Variants in IFT43 observed in about 807,000 individuals in gnomAD.
The protein encoded by IFT43 is intraflagellar transport 43.
Under a neutral mutation model 32.3 loss-of-function variants are expected in IFT43, and 33 were observed. The observed-to-expected ratio is 1.02, with a 90% CI of 0.77 to 1.37. IFT43 has a LOEUF of 1.37. Among genes scored for constraint, IFT43 ranks in the 40% most tolerant of loss-of-function variants. The pLI is 0.00. For missense variants in IFT43, 274 were observed against 265.9 expected (o/e 1.03, Z -0.21); for synonymous variants, 93 against 98.2 (o/e 0.95, Z 0.31).
intron 5 of IFT43, among the ~76,000 whole-genome samples, chr14:76,070,363 G>A (rs945411149): frequency 3.3e-5 from 5 of 152,136 alleles, no homozygotes; most frequent in Non-Finnish European, 5.9e-5. Context: ...GTCACTCTGA[G>A]CTGAAACAGC....
chr14:76,022,931 G>T (rs1001189110), intron 3 of IFT43, among the ~76,000 whole-genome samples: 1 of 152,194 alleles, frequency 6.6e-6, no homozygotes, highest in Non-Finnish European at 1.5e-5. Flanking sequence ...TCATAAAGGG[G>T]AACAATACAG....
chr14:76,031,377 C>G (rs894330806), intron 3 of IFT43, among the ~76,000 whole-genome samples: 5 of 152,112 alleles, frequency 3.3e-5, no homozygotes, highest in Non-Finnish European at 7.4e-5. Flanking sequence ...TTGTACTTAC[C>G]CGAGTCTGCT....
At chr14:75,998,943 C>T (rs763218623) in intron 2 of IFT43, among the ~76,000 whole-genome samples, 2 of 152,036 alleles carry the variant, frequency 1.3e-5, no homozygotes, top group African/African-American at 4.8e-5. Context: ...CTGTGTTGCT[C>T]GGGATGACCT....
intron 5 of IFT43, among the ~76,000 whole-genome samples, chr14:76,078,794 T>G (rs1253725738): frequency 6.6e-6 from 1 of 152,212 alleles, no homozygotes; most frequent in Non-Finnish European, 1.5e-5. Context: ...CACAGCCCTC[T>G]TACCTCACCT....
At position 76,055,511 on chromosome 14, in the gene IFT43, A is replaced by T. The variant is rs547672425; in HGVS notation, c.216-3131A>T. On this transcript the variant is annotated intron_variant, in intron 3 of 8. Transcript: ENST00000314067. The stretch of plus-strand genomic sequence containing the variant: ...AAAAGAAAGATGAAAGAAAAATTTT[A>T]AAAGGAAAGGAAAGCTGGTGGTGCG... Among the ~76,000 whole-genome samples the T allele has an allele frequency of 1.2e-3, 180 of 152,258 alleles. 5 individuals are homozygous for T. The South Asian group carries it at 0.035, about 30-fold the overall frequency.
intron 2 of IFT43, among the ~76,000 whole-genome samples, chr14:75,999,251 ATAT>A (rs2035817133): frequency 6.6e-5 from 1 of 15,240 alleles, no homozygotes; most frequent in Non-Finnish European, 1.0e-4. Flanking sequence ...ATATATATAT[ATAT>A]ATATATATAT....
At chr14:76,077,145 C>T (rs2037426912) in intron 5 of IFT43, among the ~76,000 whole-genome samples, 1 of 152,080 alleles carries the variant, frequency 6.6e-6, no homozygotes, top group African/African-American at 2.4e-5. Flanking sequence ...ATGGGCCATA[C>T]TGGACCAAGT....
intron 3 of IFT43, among the ~76,000 whole-genome samples, chr14:76,044,439 G>A (rs908751051): frequency 2.6e-5 from 4 of 152,200 alleles, no homozygotes; most frequent in South Asian, 2.1e-4. Flanking sequence ...GTTGAAGTGT[G>A]CCACCCTCCC....
At chr14:76,057,391 T>C (rs1352995700) in intron 3 of IFT43, among the ~76,000 whole-genome samples, 2 of 152,018 alleles carry the variant, frequency 1.3e-5, no homozygotes, top group Non-Finnish European at 2.9e-5. Context: ...CCACCATACC[T>C]GGCTAATTTT....
At chr14:76,024,342 T>C (rs947158215) in intron 3 of IFT43, among the ~76,000 whole-genome samples, 7 of 152,222 alleles carry the variant, frequency 4.6e-5, no homozygotes, top group Non-Finnish European at 8.8e-5. Context: ...AGAATTTTCA[T>C]GCTAAGGTGT....
chr14:76,067,579 C>CAAA (rs34499028), intron 5 of IFT43, among the ~76,000 whole-genome samples: 538 of 136,082 alleles, frequency 4.0e-3, no homozygotes, highest in Non-Finnish European at 6.7e-3. Flanking sequence ...GAGACTCTCT[C>CAAA]AAAAAAAAAA....
intron 2 of IFT43, among the ~76,000 whole-genome samples, chr14:75,995,926 C>T (rs2035736094): frequency 6.6e-6 from 1 of 152,260 alleles, no homozygotes; most frequent in Non-Finnish European, 1.5e-5. Context: ...AGATGTGCAT[C>T]GCTGACCCAT....
chr14:76,017,725 A>C (rs558189386), intron 2 of IFT43, among the ~76,000 whole-genome samples: 2 of 152,198 alleles, frequency 1.3e-5, no homozygotes, highest in South Asian at 4.1e-4. Flanking sequence ...ATTCAATCTC[A>C]TTACTTGTTA....
At chr14:76,053,356 C>T (rs1156861114) in intron 3 of IFT43, among the ~76,000 whole-genome samples, 2 of 151,950 alleles carry the variant, frequency 1.3e-5, no homozygotes, top group Non-Finnish European at 2.9e-5. Flanking sequence ...AGAGTGGGTG[C>T]GCTGAGCCAG....
chr14:76,015,939 AT>A (rs2036179834), intron 2 of IFT43, among the ~76,000 whole-genome samples: 1 of 151,994 alleles, frequency 6.6e-6, no homozygotes, highest in Non-Finnish European at 1.5e-5. Flanking sequence ...GATGTAGAAC[AT>A]TTTTTCATAT....
At chr14:75,989,982 T>C (rs1009450648) in intron 2 of IFT43, among the ~76,000 whole-genome samples, 3 of 152,234 alleles carry the variant, frequency 2.0e-5, no homozygotes, top group Non-Finnish European at 4.4e-5. Flanking sequence ...CCATTTATCT[T>C]TCATTTTCTC....
intron 3 of IFT43, among the ~76,000 whole-genome samples, chr14:76,039,441 T>G (rs1056467192): frequency 3.9e-5 from 6 of 152,186 alleles, no homozygotes; most frequent in African/African-American, 1.4e-4. Context: ...ATTACAGGTG[T>G]GAATCATTGT....
intron 2 of IFT43, among the ~76,000 whole-genome samples, chr14:76,022,088 T>C (rs1229073742): frequency 6.6e-6 from 1 of 152,052 alleles, no homozygotes; most frequent in African/African-American, 2.4e-5. Context: ...CTGTCTCTAC[T>C]AAAAATACAA....
intron 3 of IFT43, among the ~76,000 whole-genome samples, chr14:76,025,436 G>A (rs1400655918): frequency 6.6e-6 from 1 of 151,912 alleles, no homozygotes; most frequent in African/African-American, 2.4e-5. Flanking sequence ...CACAGAACTA[G>A]AAAAAACTAT....
Sources: allele counts gnomAD v4.1 joint callset (sites outside exome capture counted in the v4.1 genomes callset), GRCh38; gene constraint gnomAD v4.1.1; transcripts MANE v1.5; gene names NCBI Gene and HGNC (gene_info 2026-07-23, HGNC 2026-07-21).